XRN2: variants seen among roughly 807,000 people sequenced by gnomAD.
XRN2 encodes the protein 5'-3' exoribonuclease 2.
XRN2 carries 44 observed loss-of-function variants against 138.5 expected under a neutral mutation model. The observed-to-expected ratio is 0.32, with a 90% CI of 0.25 to 0.41. XRN2 has a LOEUF of 0.41. Among genes scored for constraint, XRN2 ranks in the 10% least tolerant of loss-of-function variants. XRN2 has a pLI of 1.00. For synonymous variants in XRN2, 354 were observed against 369.4 expected, an observed-to-expected ratio of 0.96 and a Z score of 0.48; for missense variants, 937 against 1,169.3, an observed-to-expected ratio of 0.80 and a Z score of 2.90.
At chr20:21,357,588 T>A (rs1007215343) in intron 23 of XRN2, 148 bp from the exon 24 acceptor site, 14 of 535,012 alleles carry the variant, frequency 2.6e-5, no homozygotes, top group Middle Eastern at 4.7e-4. Flanking sequence ...TCTTTTTTTT[T>A]AAGATATAAA....
chr20:21,388,018 A>G (rs1183154776), intron 29 of XRN2, among the ~76,000 whole-genome samples: 2 of 152,162 alleles, frequency 1.3e-5, no homozygotes, highest in African/African-American at 4.8e-5. Context: ...TCAGCCCAGG[A>G]CCTCTAAAAA....
At chr20:21,385,657 G>A (rs1277428305) in intron 28 of XRN2, among the ~76,000 whole-genome samples, 5 of 152,098 alleles carry the variant, frequency 3.3e-5, no homozygotes, top group African/African-American at 1.2e-4. Context: ...ATTATCTCTG[G>A]TGTTGTTTTA....
At chr20:21,372,470 T>C (rs1180978441) in intron 27 of XRN2, among the ~76,000 whole-genome samples, 1 of 152,204 alleles carries the variant, frequency 6.6e-6, no homozygotes, top group African/African-American at 2.4e-5. Context: ...AAAATATTTT[T>C]AGTGATTTTT....
At chr20:21,311,326 C>A (rs1304697027) in intron 1 of XRN2, among the ~76,000 whole-genome samples, 1 of 152,108 alleles carries the variant, frequency 6.6e-6, no homozygotes, top group African/African-American at 2.4e-5. Flanking sequence ...TAAATGAAAT[C>A]ATAATATTTT....
Position 21,388,680 on chromosome 20 carries a change from G to GTGT in XRN2, c.2788-592_2788-590dup, listed in dbSNP as rs527342205. ...CTAGGAAAGGACTTATAATGAAGAGGTGTCAGGTTTATCTTTTGTTATACA... is the reference window on the plus strand; with the variant it reads ...CTAGGAAAGGACTTATAATGAAGAGGTGTTGTCAGGTTTATCTTTTGTTATACA... On this transcript the variant is annotated intron_variant, in intron 29 of 29. Coordinates refer to ENST00000377191, the MANE Select transcript of XRN2 (RefSeq NM_012255.5). 9.2e-5 allele frequency among the ~76,000 whole-genome samples: 14 copies of GTGT among 152,234 alleles called. No individual in the cohort carries two copies. In the East Asian group the frequency reaches 2.5e-3, roughly 27 times the overall value.
rs969409601 is a variant in XRN2 at position 21,303,360 on chromosome 20, C to T, written c.-39C>T. 2.6e-6 allele frequency: 4 copies of T among 1,540,556 alleles called. No homozygotes were observed. The African/African-American group carries it at 4.2e-5, about 16-fold the overall frequency. ...CTGCTCCCGTCTCTTTGGTTACGCT[C>T]GTCAGCCGGTCGGCCGCCGCCTCCA... On this transcript the variant is annotated 5_prime_UTR_variant, in exon 1 of 30. Coordinates refer to ENST00000377191, the MANE Select transcript of XRN2 (RefSeq NM_012255.5).
intron 1 of XRN2, chr20:21,303,762 C>G (rs1035430518): frequency 4.2e-6 from 5 of 1,181,938 alleles, no homozygotes; most frequent in Non-Finnish European, 5.2e-6. Context: ...CCGGAAGGCC[C>G]CGCCCACTGC....
intron 28 of XRN2, among the ~76,000 whole-genome samples, chr20:21,384,295 CTA>C (rs1407993523): frequency 5.3e-5 from 8 of 152,070 alleles, no homozygotes; most frequent in Non-Finnish European, 1.0e-4. Flanking sequence ...AGTTTTTTAC[CTA>C]TGAGTGTTAA....
intron 4 of XRN2, among the ~76,000 whole-genome samples, chr20:21,330,095 C>T (rs1352013385): frequency 6.6e-6 from 1 of 152,014 alleles, no homozygotes; most frequent in East Asian, 1.9e-4. Flanking sequence ...CCAGCCTGGC[C>T]AACACAATGA....
At chr20:21,355,959 C>T in intron 21 of XRN2, 121 bp from the exon 22 acceptor site, 1 of 577,682 alleles carries the variant, frequency 1.7e-6, no homozygotes, top group South Asian at 3.4e-5. Context: ...AATTATTTTT[C>T]ATAAATTTTA....
Position 21,348,272 on chromosome 20 carries a change from A to G in XRN2, c.1773+19A>G. ...GAAACCGGTAAGCTTAATTACTTAA[A>G]GTCATAAAGTTTATAGAATTCTGGA... On this transcript the variant is annotated intron_variant, in intron 18 of 29. Transcript: ENST00000377191. The G allele has an allele frequency of 1.2e-6, 2 of 1,612,194 alleles. No individual in the cohort carries two copies. Among genetic ancestry groups the G allele is most frequent in the Non-Finnish European group, 1.7e-6 (2 of 1,179,370 alleles).
chr20:21,368,523 G>C lies in XRN2; in HGVS notation c.2517G>C (p.Val839=), dbSNP rs2038728290. 1.2e-6 allele frequency: 2 copies of C among 1,613,914 alleles called. No homozygotes were observed. The highest frequency in any genetic ancestry group is 1.7e-6 in the Non-Finnish European group (2 of 1,179,966). The change falls in exon 27 of 30, where the codon GTG becomes GTC. Residue 839 remains valine (V), a synonymous_variant. Coordinates refer to ENST00000377191, the MANE Select transcript of XRN2 (RefSeq NM_012255.5). ...GIYSNAAPPP[V]TYQGNLYRPL... ...ACAGCAATGCTGCACCACCACCTGT[G>C]ACTTACCAGGGAAACTTATACAGGC...
chr20:21,309,476 A>G (rs976673608), intron 1 of XRN2, among the ~76,000 whole-genome samples: 1 of 152,182 alleles, frequency 6.6e-6, no homozygotes, highest in African/African-American at 2.4e-5. Context: ...GCAACCCAGG[A>G]TGCTTTGAAT....
At chr20:21,353,373 T>G (rs1373706807) in intron 20 of XRN2, among the ~76,000 whole-genome samples, 5 of 150,920 alleles carry the variant, frequency 3.3e-5, no homozygotes, top group Admixed American at 3.3e-4. Context: ...TTCCTGGGTT[T>G]TTTTCATGTG....
chr20:21,371,859 T>C (rs2038766415), intron 27 of XRN2, among the ~76,000 whole-genome samples: 1 of 152,260 alleles, frequency 6.6e-6, no homozygotes, highest in Non-Finnish European at 1.5e-5. Flanking sequence ...TCTATAGTTC[T>C]TCGTCTGCCT....
intron 13 of XRN2, 140 bp from the exon 14 acceptor site, chr20:21,338,904 T>C: frequency 1.4e-6 from 1 of 711,366 alleles, no homozygotes; most frequent in Non-Finnish European, 2.4e-6. Context: ...TATAGTCTTA[T>C]TGCCTGGTTT....
intron 1 of XRN2, among the ~76,000 whole-genome samples, chr20:21,315,188 A>G (rs2037941899): frequency 6.6e-6 from 1 of 152,222 alleles, no homozygotes; most frequent in African/African-American, 2.4e-5. Context: ...GCAAGGCTGG[A>G]CATTTTCAGG....
In XRN2 at chr20:21,332,499, G is replaced by A; in HGVS notation, c.858+59G>A. The A allele has an allele frequency of 1.4e-6, 2 of 1,458,624 alleles. 1 individual carries two copies. The highest frequency in any genetic ancestry group is 4.7e-5 in the East Asian group (2 of 42,650). 90.4% of individuals were successfully genotyped at this position (1,458,624 alleles called of 1,614,324 possible). On this transcript the variant is annotated intron_variant, in intron 9 of 29. Coordinates refer to ENST00000377191, the MANE Select transcript of XRN2 (RefSeq NM_012255.5). Reference sequence around the variant, plus strand: ...AAAAAAAAATCTATTGTGGTAAAATGTATATGACATAAAATATCATTTCAA... The same window carrying A: ...AAAAAAAAATCTATTGTGGTAAAATATATATGACATAAAATATCATTTCAA...
At chr20:21,304,421 C>T (rs1429730004) in intron 1 of XRN2, among the ~76,000 whole-genome samples, 4 of 151,804 alleles carry the variant, frequency 2.6e-5, no homozygotes, top group Non-Finnish European at 5.9e-5. Flanking sequence ...GTGACATTCC[C>T]ACTATTTCTT....
Sources: allele counts gnomAD v4.1 joint callset (sites outside exome capture counted in the v4.1 genomes callset), GRCh38; gene constraint gnomAD v4.1.1; transcripts MANE v1.5; gene names NCBI Gene and HGNC (gene_info 2026-07-23, HGNC 2026-07-21).